Variants in FSTL5 observed in about 807,000 individuals in gnomAD.
The protein encoded by FSTL5 is follistatin like 5.
FSTL5 carries 62 observed loss-of-function variants against 89.1 expected under a neutral mutation model. That is an observed-to-expected ratio of 0.70 (90% CI 0.57 to 0.86). FSTL5 has a LOEUF of 0.86. Among genes scored for constraint, FSTL5 ranks in the 40% least tolerant of loss-of-function variants. The probability of loss-of-function intolerance (pLI) is 0.00; values close to 1 mark genes in which losing one functional copy is unlikely to be tolerated. For synonymous variants in FSTL5, 383 were observed against 346.2 expected (o/e 1.11, Z -1.18); for missense variants, 1,057 against 1,001.6 (o/e 1.06, Z -0.75).
intron 15 of FSTL5, among the ~76,000 whole-genome samples, chr4:161,415,386 G>T (rs949350573): frequency 6.6e-6 from 1 of 151,960 alleles, no homozygotes; most frequent in African/African-American, 2.4e-5. Flanking sequence ...TTCCTGAGTG[G>T]CTTGGGTTAC....
chr4:161,488,541 G>T (rs1170483720), intron 12 of FSTL5, among the ~76,000 whole-genome samples: 3 of 152,078 alleles, frequency 2.0e-5, no homozygotes, highest in Non-Finnish European at 4.4e-5. Flanking sequence ...TGAGGACAAA[G>T]AGACCTCAAT....
intron 14 of FSTL5, 91 bp from the exon 15 acceptor site, chr4:161,455,219 T>C: frequency 2.7e-6 from 3 of 1,102,542 alleles, no homozygotes; most frequent in Non-Finnish European, 3.7e-6. Context: ...TAAATGTTTC[T>C]GGCAGTTGTT....
intron 4 of FSTL5, among the ~76,000 whole-genome samples, chr4:161,803,671 G>A (rs558479175): frequency 6.6e-6 from 1 of 151,876 alleles, no homozygotes; most frequent in South Asian, 2.1e-4. Context: ...AGTTTGCACA[G>A]ATGTTTTTCT....
chr4:161,396,731 TAA>T (rs10715942), intron 15 of FSTL5, among the ~76,000 whole-genome samples: 14 of 145,662 alleles, frequency 9.6e-5, no homozygotes, highest in Admixed American at 2.0e-4. Context: ...ATGAAAACTG[TAA>T]AAAAAAAAAC....
rs567884570 is a variant in FSTL5 at position 161,677,084 on chromosome 4, CTTAAA to C, written c.728-20595_728-20591del. 1.9e-3 allele frequency among the ~76,000 whole-genome samples: 296 copies of C among 152,084 alleles called. 1 individual carries two copies. Among genetic ancestry groups the C allele is most frequent in the South Asian group, 5.6e-3 (27 of 4,818 alleles). ...CAATTTTATAAATATTAAAACATCT[CTTAAA>C]TTAAATGATTGACCCCAATTTAGGG... On this transcript the variant is annotated intron_variant, in intron 6 of 15. Transcript: ENST00000306100.
chr4:161,401,967 C>T (rs903252880), intron 15 of FSTL5, among the ~76,000 whole-genome samples: 2 of 151,988 alleles, frequency 1.3e-5, no homozygotes, highest in African/African-American at 4.8e-5. Flanking sequence ...TCTTATTTTA[C>T]TAATTGATTT....
intron 13 of FSTL5, among the ~76,000 whole-genome samples, chr4:161,469,275 T>C (rs1456618859): frequency 6.6e-6 from 1 of 152,244 alleles, no homozygotes; most frequent in Non-Finnish European, 1.5e-5. Flanking sequence ...TAAGGCTGTA[T>C]AATATTCCAT....
chr4:161,411,187 G>A (rs569691740), intron 15 of FSTL5, among the ~76,000 whole-genome samples: 1 of 152,122 alleles, frequency 6.6e-6, no homozygotes, highest in South Asian at 2.1e-4. Context: ...AAATTAAATC[G>A]TTAGAAAATA....
chr4:161,935,859 T>C (rs945920355), intron 3 of FSTL5, among the ~76,000 whole-genome samples: 5 of 152,180 alleles, frequency 3.3e-5, no homozygotes, highest in African/African-American at 9.7e-5. Context: ...AAGCACAGAA[T>C]TGAAGACCTT....
At chr4:162,084,468 G>A (rs1579014069) in intron 2 of FSTL5, among the ~76,000 whole-genome samples, 1 of 152,094 alleles carries the variant, frequency 6.6e-6, no homozygotes, top group East Asian at 1.9e-4. Context: ...ACAAACTTCT[G>A]CACATGTATG....
At chr4:161,691,149 G>GA (rs1553958650) in intron 6 of FSTL5, among the ~76,000 whole-genome samples, 1 of 149,764 alleles carries the variant, frequency 6.7e-6, no homozygotes, top group Non-Finnish European at 1.5e-5. Flanking sequence ...ATTTGCCCCT[G>GA]TTTTTTTTTC....
intron 3 of FSTL5, among the ~76,000 whole-genome samples, chr4:161,993,464 C>G: frequency 1.4e-5 from 1 of 73,806 alleles, no homozygotes; most frequent in East Asian, 3.0e-4. Context: ...TGATATTTAA[C>G]TATAATATAA....
At chr4:161,725,014 G>A (rs561541958) in intron 6 of FSTL5, among the ~76,000 whole-genome samples, 1 of 152,210 alleles carries the variant, frequency 6.6e-6, no homozygotes, top group African/African-American at 2.4e-5. Flanking sequence ...GGCCAACATG[G>A]TGAAACTCCC....
chr4:161,844,456 T>A (rs1188183741), intron 4 of FSTL5, among the ~76,000 whole-genome samples: 2 of 152,118 alleles, frequency 1.3e-5, no homozygotes, highest in Non-Finnish European at 2.9e-5. Flanking sequence ...GGTTTATAAA[T>A]CATTCTACTA....
In FSTL5 at chr4:161,560,557, T is replaced by C. The variant is rs990206397; in HGVS notation, c.1016-17864A>G. Among the ~76,000 whole-genome samples the C allele has an allele frequency of 2.1e-5, 3 of 145,698 alleles. No individual in the cohort carries two copies. The South Asian group carries it at 6.8e-4, about 33-fold the overall frequency. The stretch of plus-strand genomic sequence containing the variant: ...ATGTACAAATTTTTTATATTTTTAT[T>C]TTATAAGATTTTTTTTCTGTTTATA... On this transcript the variant is annotated intron_variant, in intron 8 of 15. Coordinates refer to ENST00000306100, the MANE Select transcript of FSTL5 (RefSeq NM_020116.5).
At chr4:162,126,060 CAT>C (rs1430969470) in intron 1 of FSTL5, among the ~76,000 whole-genome samples, 23 of 149,258 alleles carry the variant, frequency 1.5e-4, no homozygotes, top group Non-Finnish European at 3.0e-4. Context: ...TTTTACCAAA[CAT>C]ATGAAATTAA....
At chr4:162,089,645 A>G (rs540141225) in intron 2 of FSTL5, among the ~76,000 whole-genome samples, 2 of 126,438 alleles carry the variant, frequency 1.6e-5, no homozygotes, top group South Asian at 5.1e-4. Context: ...AAAAAAAAAA[A>G]AAAAAGAAAA....
At chr4:161,964,506 T>C (rs1375403739) in intron 3 of FSTL5, among the ~76,000 whole-genome samples, 1 of 152,018 alleles carries the variant, frequency 6.6e-6, no homozygotes, top group Non-Finnish European at 1.5e-5. Context: ...GATTAGTTGC[T>C]TATTATTTAC....
intron 3 of FSTL5, among the ~76,000 whole-genome samples, chr4:161,979,291 T>C (rs1735749774): frequency 6.6e-6 from 1 of 152,102 alleles, no homozygotes; most frequent in Non-Finnish European, 1.5e-5. Flanking sequence ...TTGAACACAA[T>C]TTGCAGCCTG....
Sources: gnomAD v4.1 joint callset for allele counts (sites outside exome capture counted in the v4.1 genomes callset) on GRCh38, gnomAD v4.1.1 for gene constraint, MANE v1.5 for transcripts, NCBI Gene and HGNC (gene_info 2026-07-23, HGNC 2026-07-21) for gene names.